The following MYO3A variants were observed in gnomAD, a reference collection of about 807,000 sequenced individuals.
MYO3A encodes myosin IIIA, also known as myosin-IIIa.
MYO3A carries 180 observed loss-of-function variants against 192.7 expected under a neutral mutation model. The observed-to-expected ratio is 0.93, with a 90% CI of 0.83 to 1.06. MYO3A has a LOEUF of 1.06. Among genes scored for constraint, MYO3A ranks in the 50% least tolerant of loss-of-function variants. MYO3A has a pLI of 0.00. For synonymous variants in MYO3A, 628 were observed against 645.3 expected (o/e 0.97, Z 0.41); for missense variants, 1,896 against 1,905.0 (o/e 1.00, Z 0.09).
intron 4 of MYO3A, among the ~76,000 whole-genome samples, chr10:25,994,734 G>C (rs1193730652): frequency 1.3e-5 from 2 of 152,142 alleles, no homozygotes; most frequent in Non-Finnish European, 2.9e-5. Flanking sequence ...GCATTTGCTT[G>C]TCCGTAAAGG....
intron 7 of MYO3A, among the ~76,000 whole-genome samples, chr10:26,018,049 T>C (rs1842078237): frequency 6.6e-6 from 1 of 150,976 alleles, no homozygotes; most frequent in Non-Finnish European, 1.5e-5. Context: ...TTATGGGTTT[T>C]GTATGTTTAT....
chr10:26,144,271 T>C (rs933401326), intron 21 of MYO3A, among the ~76,000 whole-genome samples: 1 of 152,018 alleles, frequency 6.6e-6, no homozygotes, highest in Admixed American at 6.6e-5. Flanking sequence ...ACGCAGAACA[T>C]TGTGTTCCCT....
chr10:25,988,821 T>C (rs921647174), intron 4 of MYO3A, among the ~76,000 whole-genome samples: 3 of 152,064 alleles, frequency 2.0e-5, no homozygotes, highest in South Asian at 4.2e-4. Context: ...TACTCTTGTG[T>C]TAACATAATA....
intron 32 of MYO3A, among the ~76,000 whole-genome samples, chr10:26,198,850 G>A (rs1843542091): frequency 6.6e-6 from 1 of 152,138 alleles, no homozygotes; most frequent in Admixed American, 6.5e-5. Context: ...TGGTTCTACA[G>A]GAAATTGCCA....
intron 14 of MYO3A, among the ~76,000 whole-genome samples, chr10:26,082,405 G>A (rs975940000): frequency 3.9e-5 from 6 of 152,136 alleles, no homozygotes; most frequent in Admixed American, 6.5e-5. Context: ...TTATAAAAAT[G>A]TTATTTACTT....
chr10:26,126,679 G>A (rs910126755), intron 19 of MYO3A, among the ~76,000 whole-genome samples: 2 of 152,042 alleles, frequency 1.3e-5, no homozygotes, highest in African/African-American at 4.8e-5. Context: ...GAAAATGTAG[G>A]CAAGATGGCA....
chr10:25,997,120 GC>G (rs1840499265), intron 5 of MYO3A, 38 bp from the exon 6 acceptor site: 1 of 1,517,470 alleles, frequency 6.6e-7, no homozygotes, highest in African/African-American at 1.4e-5. Context: ...ATTGTTTGAT[GC>G]TTTTGTTAAG....
At chr10:26,129,595 T>C (rs1839418164) in intron 20 of MYO3A, among the ~76,000 whole-genome samples, 1 of 152,210 alleles carries the variant, frequency 6.6e-6, no homozygotes, top group South Asian at 2.1e-4. Context: ...CTTGAAAGCA[T>C]GTTCAGCACT....
chr10:26,203,355 C>T (rs1843764767), intron 34 of MYO3A, among the ~76,000 whole-genome samples: 1 of 151,960 alleles, frequency 6.6e-6, no homozygotes, highest in African/African-American at 2.4e-5. Flanking sequence ...ACAAAAACTC[C>T]TGTTATTTAA....
intron 2 of MYO3A, among the ~76,000 whole-genome samples, chr10:25,944,393 AG>A (rs1164870705): frequency 1.3e-5 from 2 of 152,036 alleles, no homozygotes; most frequent in South Asian, 2.1e-4. Context: ...TTTTGGTGTC[AG>A]GATAATGCTG....
chr10:26,057,234 A>G (rs566289681), intron 10 of MYO3A, among the ~76,000 whole-genome samples: 1 of 152,356 alleles, frequency 6.6e-6, no homozygotes, highest in East Asian at 1.9e-4. Context: ...TTTGAGAAAA[A>G]TGCAGCAAAT....
chr10:26,178,281 C>T (rs1842427980), intron 31 of MYO3A, among the ~76,000 whole-genome samples: 1 of 152,184 alleles, frequency 6.6e-6, no homozygotes, highest in Admixed American at 6.5e-5. Flanking sequence ...AAATGGGAGG[C>T]AGCGTCCTGG....
intron 4 of MYO3A, among the ~76,000 whole-genome samples, chr10:25,994,140 G>T (rs539787565): frequency 6.6e-6 from 1 of 152,040 alleles, no homozygotes; most frequent in Non-Finnish European, 1.5e-5. Context: ...ATTATTGTGT[G>T]GGAGTCTAAG....
At chr10:26,085,001 A>G (rs1205690771) in intron 14 of MYO3A, among the ~76,000 whole-genome samples, 1 of 151,884 alleles carries the variant, frequency 6.6e-6, no homozygotes, top group African/African-American at 2.4e-5. Flanking sequence ...GGTAGGTTGT[A>G]TTTTTCTAAG....
At chr10:26,014,160 A>G (rs1244663301) in intron 6 of MYO3A, among the ~76,000 whole-genome samples, 1 of 152,060 alleles carries the variant, frequency 6.6e-6, no homozygotes, top group Non-Finnish European at 1.5e-5. Context: ...TAAAAAAACT[A>G]CCTCTTAGGT....
chr10:26,010,835 A>G (rs537000339), intron 6 of MYO3A, among the ~76,000 whole-genome samples: 10 of 152,206 alleles, frequency 6.6e-5, no homozygotes, highest in Non-Finnish European at 1.5e-4. Flanking sequence ...AAATTAAACA[A>G]TGAGAAAACA....
chr10:26,114,029 C>T (rs1344994196), intron 17 of MYO3A, among the ~76,000 whole-genome samples: 1 of 152,184 alleles, frequency 6.6e-6, no homozygotes, highest in African/African-American at 2.4e-5. Context: ...CTCCTTCTAT[C>T]CCATCAGTTC....
At chr10:26,102,427 T>G (rs186275322) in intron 17 of MYO3A, among the ~76,000 whole-genome samples, 1 of 152,344 alleles carries the variant, frequency 6.6e-6, no homozygotes, top group Admixed American at 6.5e-5. Flanking sequence ...CCGTCCAGCT[T>G]TGTTCCGTTG....
intron 28 of MYO3A, among the ~76,000 whole-genome samples, chr10:26,169,748 C>T (rs1841949346): frequency 6.6e-6 from 1 of 152,194 alleles, no homozygotes; most frequent in African/African-American, 2.4e-5. Context: ...TAACTTCTCA[C>T]TGAGAAATCA....
Sources: gnomAD v4.1 joint callset for allele counts (sites outside exome capture counted in the v4.1 genomes callset) on GRCh38, gnomAD v4.1.1 for gene constraint, MANE v1.5 for transcripts, NCBI Gene and HGNC (gene_info 2026-07-23, HGNC 2026-07-21) for gene names.